The following AZIN2 variants were observed in gnomAD, a reference collection of about 807,000 sequenced individuals.
The protein encoded by AZIN2 is antizyme inhibitor 2, also known as ODC antizyme inhibitor-2.
Under a neutral mutation model 47.8 loss-of-function variants are expected in AZIN2, and 28 were observed. The ratio of observed to expected loss-of-function variants is 0.59; its 90% CI spans 0.43 to 0.80. The LOEUF (loss-of-function observed/expected upper bound fraction) is 0.80, where lower values mean the gene tolerates loss of function less well. Ranked by LOEUF, AZIN2 falls within the 30% of genes least tolerant of loss-of-function variation. The pLI is 0.00. For synonymous variants in AZIN2, 221 were observed against 239.4 expected, an observed-to-expected ratio of 0.92 and a Z score of 0.71; for missense variants, 535 against 582.5, an observed-to-expected ratio of 0.92 and a Z score of 0.84.
At chr1:33,100,472 C>T (rs894044372) in intron 10 of AZIN2, among the ~76,000 whole-genome samples, 2 of 152,010 alleles carry the variant, frequency 1.3e-5, no homozygotes, top group African/African-American at 2.4e-5. Context: ...TCAGTACTCT[C>T]AAAGCAGTAC....
chr1:33,159,573 A>C, the AZIN2 span: 2 of 1,396,376 alleles, frequency 1.4e-6, no homozygotes, highest in Non-Finnish European at 1.9e-6. The surrounding 1 kb of genome is among the most constrained non-coding windows in gnomAD (Gnocchi z 4.2). Flanking sequence ...TGTTTGATGA[A>C]GATTTGAATG....
At chr1:33,095,234 A>G (rs894943608) in intron 8 of AZIN2, among the ~76,000 whole-genome samples, 1 of 152,226 alleles carries the variant, frequency 6.6e-6, no homozygotes, top group Non-Finnish European at 1.5e-5. Context: ...GAATACCGAC[A>G]TGTAGGAATT....
chr1:33,128,091 C>T (rs569634886), downstream of AZIN2, among the ~76,000 whole-genome samples: 8 of 151,244 alleles, frequency 5.3e-5, no homozygotes, highest in African/African-American at 9.7e-5. Context: ...AGGTTGGGCA[C>T]GGTAGCTCAC....
the AZIN2 span, among the ~76,000 whole-genome samples, chr1:33,162,552 A>G: frequency 6.6e-6 from 1 of 152,194 alleles, no homozygotes; most frequent in African/African-American, 2.4e-5. Context: ...GCCTGGTACA[A>G]GGCTGGCAAT....
the AZIN2 span, among the ~76,000 whole-genome samples, chr1:33,128,530 G>A: frequency 6.6e-6 from 1 of 152,196 alleles, no homozygotes; most frequent in African/African-American, 2.4e-5. Flanking sequence ...AACTAGTGGA[G>A]GCAGATTGGG....
chr1:33,148,317 C>T, the AZIN2 span, among the ~76,000 whole-genome samples: 1 of 152,170 alleles, frequency 6.6e-6, no homozygotes, highest in African/African-American at 2.4e-5. Flanking sequence ...TAACCTAACT[C>T]CATTTCATGT....
intron 11 of AZIN2, 65 bp from the exon 12 acceptor site, chr1:33,119,979 T>TA (rs984409178): frequency 1.9e-6 from 3 of 1,604,216 alleles, no homozygotes; most frequent in Non-Finnish European, 2.5e-6. Flanking sequence ...TGGGGCTGCG[T>TA]CTCCAGGTAC....
rs139431860 is a variant in AZIN2, at chr1:33,086,297, C to T, written c.279+2170C>T. Among the ~76,000 whole-genome samples, 284 of 152,148 alleles carry T rather than the reference C, an allele frequency of 1.9e-3. 1 individual carries two copies. The highest frequency in any genetic ancestry group is 6.6e-3 in the African/African-American group (274 of 41,482). On this transcript the variant is annotated intron_variant, in intron 5 of 11. Transcript: ENST00000294517. ...ATAAGGAAATGAGAGATGGAGGTTC[C>T]GCATCAGGGTGGTGGCAGCTTGAGT...
intron 10 of AZIN2, among the ~76,000 whole-genome samples, chr1:33,104,673 CT>C (rs1253147447): frequency 6.6e-6 from 1 of 152,022 alleles, no homozygotes; most frequent in Non-Finnish European, 1.5e-5. Flanking sequence ...TTGATTTCTA[CT>C]TTTTTTGGGT....
At position 33,106,771 on chromosome 1, in the gene AZIN2, A is replaced by G. The variant is rs1366210508; in HGVS notation, c.1029+8592A>G. On this transcript the variant is annotated intron_variant, in intron 10 of 11. Coordinates refer to ENST00000294517, the MANE Select transcript of AZIN2 (RefSeq NM_052998.4). ...AGGTATGGAAGGAATGTACCTCAACATGATAAGGGCCATATATGACAAGCT... is the reference window on the plus strand; with the variant it reads ...AGGTATGGAAGGAATGTACCTCAACGTGATAAGGGCCATATATGACAAGCT... 3.7e-4 allele frequency among the ~76,000 whole-genome samples: 57 copies of G among 152,212 alleles called. 1 individual carries two copies. The highest frequency in any genetic ancestry group is 4.3e-4 in the Non-Finnish European group (29 of 68,044).
At chr1:33,127,687 A>G (rs1313554510), downstream of AZIN2, among the ~76,000 whole-genome samples, 1 of 152,236 alleles carries the variant, frequency 6.6e-6, no homozygotes, top group Non-Finnish European at 1.5e-5. Context: ...TACGAACCTA[A>G]GACTTGTCTC....
At chr1:33,130,991 A>G in the AZIN2 span, among the ~76,000 whole-genome samples, 1 of 152,154 alleles carries the variant, frequency 6.6e-6, no homozygotes, top group African/African-American at 2.4e-5. Flanking sequence ...GAGGGATGGT[A>G]TTTGCTAGAG....
chr1:33,165,148 C>T, the AZIN2 span: 5,635 of 231,802 alleles, frequency 0.024, 110 homozygotes, highest in Middle Eastern at 0.037. This position sits in a 1 kb window ranked among gnomAD's most constrained non-coding sequence, Gnocchi z 4.0. Flanking sequence ...CCCAGCCCTT[C>T]AGGAGGCAGG....
At chr1:33,102,879 C>A (rs1473787795) in intron 10 of AZIN2, among the ~76,000 whole-genome samples, 1 of 152,168 alleles carries the variant, frequency 6.6e-6, no homozygotes, top group Non-Finnish European at 1.5e-5. Flanking sequence ...ATTTCCAACC[C>A]CAAACTTCTC....
chr1:33,097,346 T>C (rs1369765172), intron 9 of AZIN2, among the ~76,000 whole-genome samples: 1 of 152,172 alleles, frequency 6.6e-6, no homozygotes. Flanking sequence ...GGAGGCTGAG[T>C]CATTAGCCCA....
Position 33,118,056 on chromosome 1 carries a change from G to A in AZIN2, c.1184G>A (p.Gly395Asp). Reference sequence around the variant, plus strand: ...ATGGGCGCCTACACTGTGGGCATGGGTTCCCCCTTTTGGGGGACCCAGGCC... The same window carrying A: ...ATGGGCGCCTACACTGTGGGCATGGATTCCCCCTTTTGGGGGACCCAGGCC... ...DNMGAYTVGM[G>D]SPFWGTQACH... is the part of the protein sequence containing the mutation. Residue 395 changes from glycine to aspartate, a missense_variant, in exon 11 of 12, where the codon GGT (glycine) becomes GAT (aspartate). Physicochemically the swap from Gly to Asp is moderately conservative, Grantham distance 94. Transcript: ENST00000294517. 1 of 1,531,518 alleles carries A rather than the reference G, an allele frequency of 6.5e-7. No individual in the cohort carries two copies. The highest frequency in any genetic ancestry group is 8.7e-7 in the Non-Finnish European group (1 of 1,143,324). The allele number at this position is 1,531,518 out of a possible 1,614,324, so 94.9% of individuals were successfully genotyped here. A position where few individuals can be genotyped will look rare whatever the true frequency, so the allele number is the denominator to read the frequency against.
downstream of AZIN2, among the ~76,000 whole-genome samples, chr1:33,127,806 T>G (rs1644867758): frequency 2.6e-5 from 4 of 152,256 alleles, no homozygotes; most frequent in South Asian, 8.3e-4. Flanking sequence ...CCAAGGAGTT[T>G]TACATTTTAA....
the AZIN2 span, chr1:33,165,175 C>T: frequency 3.4e-6 from 1 of 292,472 alleles, no homozygotes; most frequent in African/African-American, 2.2e-5. The surrounding 1 kb of genome is among the most constrained non-coding windows in gnomAD (Gnocchi z 4.0). Context: ...CCGGAGGGTC[C>T]CGGGACCCGC....
chr1:33,154,526 G>C, the AZIN2 span, among the ~76,000 whole-genome samples: 2 of 151,990 alleles, frequency 1.3e-5, no homozygotes, highest in Non-Finnish European at 2.9e-5. Flanking sequence ...GAGGCTGGGC[G>C]CGGTGGCTCA....
Sources: allele counts gnomAD v4.1 joint callset (sites outside exome capture counted in the v4.1 genomes callset), GRCh38; gene constraint gnomAD v4.1.1; non-coding constraint Gnocchi (gnomAD v3.1); transcripts MANE v1.5; gene names NCBI Gene and HGNC (gene_info 2026-07-23, HGNC 2026-07-21).